NFATC2: variants seen among roughly 807,000 people sequenced by gnomAD.
The protein encoded by NFATC2 is nuclear factor of activated T-cells, cytoplasmic 2.
In NFATC2, 22 loss-of-function variants were observed where a neutral mutation model predicts 87.3. The ratio of observed to expected loss-of-function variants is 0.25; its 90% CI spans 0.18 to 0.36. The LOEUF is 0.36. Among genes scored for constraint, NFATC2 ranks in the 10% least tolerant of loss-of-function variants. NFATC2 has a pLI of 1.00. For synonymous variants in NFATC2, 565 were observed against 542.2 expected (o/e 1.04, Z -0.58); for missense variants, 1,149 against 1,259.1 (o/e 0.91, Z 1.32).
At chr20:51,409,417 C>G (rs1473072258) in intron 9 of NFATC2, among the ~76,000 whole-genome samples, 1 of 152,136 alleles carries the variant, frequency 6.6e-6, no homozygotes, top group Non-Finnish European at 1.5e-5. Flanking sequence ...AGAATTACAG[C>G]TAAAGCAAAG....
At chr20:51,542,926 C>T (rs535005867), upstream of NFATC2, among the ~76,000 whole-genome samples, 62 of 152,224 alleles carry the variant, frequency 4.1e-4, no homozygotes, top group Middle Eastern at 0.01. Context: ...CTGGGGCGGC[C>T]GCTGTCTCCC....
chr20:51,508,850 C>A (rs996994152), intron 3 of NFATC2, among the ~76,000 whole-genome samples: 1 of 152,084 alleles, frequency 6.6e-6, no homozygotes, highest in African/African-American at 2.4e-5. Flanking sequence ...CATGCCCCCA[C>A]CCTGGTCCAG....
At chr20:51,398,891 C>T (rs1987655635) in intron 9 of NFATC2, 161 bp from the exon 10 acceptor site, 2 of 607,196 alleles carry the variant, frequency 3.3e-6, no homozygotes, top group Non-Finnish European at 5.9e-6. Flanking sequence ...AGCATTTGTG[C>T]CAGAATTAAC....
At chr20:51,391,515 T>C (rs1044910819) in intron 10 of NFATC2, 64 bp from the exon 11 acceptor site, 24 of 1,526,192 alleles carry the variant, frequency 1.6e-5, no homozygotes, top group Non-Finnish European at 2.1e-5. Flanking sequence ...ACCGAAAACA[T>C]GCATCAGGTT....
intron 10 of NFATC2, among the ~76,000 whole-genome samples, chr20:51,394,391 AGCACTGTT>A (rs1397907936): frequency 2.3e-4 from 5 of 21,896 alleles, no homozygotes; most frequent in African/African-American, 1.3e-3. Flanking sequence ...GTCCCCCCTC[AGCACTGTT>A]CCCTCCTCTT....
At position 51,524,951 on chromosome 20, in the gene NFATC2, G is replaced by A. The variant is rs967363880; in HGVS notation, c.131-841C>T. Among the ~76,000 whole-genome samples the A allele has an allele frequency of 6.6e-6, 1 of 152,170 alleles. No individual in the cohort carries two copies. The highest frequency in any genetic ancestry group is 2.4e-5 in the African/African-American group (1 of 41,436). ...CCAATGGATGCAGGCCGGGCGTGGT[G>A]GCTCACACCTGGAATCCCGGCACTT... On this transcript the variant is annotated intron_variant, in intron 1 of 10. Transcript: ENST00000371564. The surrounding 1 kb of genome is among the most constrained non-coding windows in gnomAD (Gnocchi z 4.0).
Position 51,415,829 on chromosome 20 carries a change from C to T in NFATC2, c.2722+16238G>A, listed in dbSNP as rs531585375. 9.8e-5 allele frequency among the ~76,000 whole-genome samples: 15 copies of T among 152,300 alleles called. No individual in the cohort carries two copies. In the South Asian group the frequency reaches 1.7e-3, roughly 17 times the overall value. On this transcript the variant is annotated intron_variant, in intron 9 of 10. Transcript: ENST00000371564. Reference sequence around the variant, plus strand: ...CCTTCCATTCCTCCTCCTCCTTTCCCTTTCTTTCTTGCCAATGTTGTCAGT... The same window carrying T: ...CCTTCCATTCCTCCTCCTCCTTTCCTTTTCTTTCTTGCCAATGTTGTCAGT...
At position 51,435,743 on chromosome 20, in the gene NFATC2, TC is replaced by T; in HGVS notation, c.1867del (p.Glu623ArgfsTer32). ...GTCCTTATCCACCGTGGCTTCCATC[TC>T]CCAAATTTGCTGTCCATCTAGAAAA... is the stretch of plus-strand genomic sequence containing the variant. ...EKTTDGQQIW[E>X]MEATVDKDKS... On this transcript the variant is annotated frameshift_variant, in exon 7 of 11. Coordinates refer to ENST00000371564, the MANE Select transcript of NFATC2 (RefSeq NM_012340.5). LOFTEE classifies it high-confidence loss of function. 6.2e-7 allele frequency: 1 copy of T among 1,607,100 alleles called. No homozygotes were observed. Among genetic ancestry groups the T allele is most frequent in the Non-Finnish European group, 8.5e-7 (1 of 1,176,418 alleles).
intron 3 of NFATC2, among the ~76,000 whole-genome samples, chr20:51,492,711 C>T (rs766335586): frequency 1.3e-5 from 2 of 152,236 alleles, no homozygotes; most frequent in Admixed American, 6.5e-5. Flanking sequence ...GCGGCCGGGG[C>T]TCCATGCCAG....
intron 6 of NFATC2, among the ~76,000 whole-genome samples, chr20:51,451,669 C>T (rs1985800853): frequency 6.6e-6 from 1 of 152,234 alleles, no homozygotes; most frequent in South Asian, 2.1e-4. Flanking sequence ...AGCCACTCCC[C>T]ATCACTTGCA....
chr20:51,399,050 AAG>A (rs10602964), intron 9 of NFATC2: 125 of 240,878 alleles, frequency 5.2e-4, no homozygotes, highest in African/African-American at 2.5e-3. Context: ...GCCAACTACA[AAG>A]AGAAAATTAA....
At chr20:51,433,664 A>G (rs1338694906) in intron 8 of NFATC2, among the ~76,000 whole-genome samples, 1 of 152,016 alleles carries the variant, frequency 6.6e-6, no homozygotes, top group Non-Finnish European at 1.5e-5. Context: ...GGAGTTGAGG[A>G]ATCAGTTTTC....
At position 51,408,973 on chromosome 20, in the gene NFATC2, C is replaced by G. The variant is rs1472167960; in HGVS notation, c.2723-10243G>C. ...ATCATCCTAAACTACACCCAGAAAA[C>G]TCACACCTTTCAGAAAAGAAATTTA... On this transcript the variant is annotated intron_variant, in intron 9 of 10. Coordinates refer to ENST00000371564, the MANE Select transcript of NFATC2 (RefSeq NM_012340.5). Among the ~76,000 whole-genome samples the G allele has an allele frequency of 2.6e-5, 4 of 152,342 alleles. No individual in the cohort carries two copies. The East Asian group carries it at 7.7e-4, about 29-fold the overall frequency.
intron 4 of NFATC2, among the ~76,000 whole-genome samples, chr20:51,474,933 C>G (rs750247661): frequency 6.6e-6 from 1 of 151,646 alleles, no homozygotes; most frequent in African/African-American, 2.4e-5. Flanking sequence ...TTCTTCCTCC[C>G]GAGGCACATG....
chr20:51,545,833 T>C (rs2076885088), upstream of NFATC2, among the ~76,000 whole-genome samples: 2 of 152,016 alleles, frequency 1.3e-5, no homozygotes, highest in Admixed American at 1.3e-4. Flanking sequence ...CATGGATGGA[T>C]TGATGGAGGA....
intron 10 of NFATC2, among the ~76,000 whole-genome samples, chr20:51,394,626 C>T (rs1986791466): frequency 6.6e-6 from 1 of 152,124 alleles, no homozygotes; most frequent in South Asian, 2.1e-4. Context: ...TGCCTTGGTG[C>T]ATGGGAAGTA....
intron 5 of NFATC2, among the ~76,000 whole-genome samples, chr20:51,459,146 T>C (rs1229752345): frequency 1.3e-5 from 2 of 152,110 alleles, no homozygotes; most frequent in Non-Finnish European, 2.9e-5. Context: ...ATATCAAATA[T>C]CAACCCAAAT....
chr20:51,469,239 A>G (rs185913976), intron 5 of NFATC2, among the ~76,000 whole-genome samples: 19 of 152,024 alleles, frequency 1.2e-4, no homozygotes, highest in African/African-American at 4.3e-4. Flanking sequence ...CTGGTCTCCA[A>G]CTCCTGAGCT....
intron 1 of NFATC2, among the ~76,000 whole-genome samples, chr20:51,548,422 C>T (rs2076906983): frequency 6.6e-6 from 1 of 152,176 alleles, no homozygotes; most frequent in South Asian, 2.1e-4. Flanking sequence ...GTTCCTTTCA[C>T]TTGAATGCAG....
Sources: gnomAD v4.1 joint callset for allele counts (sites outside exome capture counted in the v4.1 genomes callset) on GRCh38, gnomAD v4.1.1 for gene constraint, Gnocchi (gnomAD v3.1) non-coding constraint, MANE v1.5 for transcripts, NCBI Gene and HGNC (gene_info 2026-07-23, HGNC 2026-07-21) for gene names.